CACNA1I: variants seen among roughly 807,000 people sequenced by gnomAD.
The protein encoded by CACNA1I is voltage-dependent T-type calcium channel subunit alpha-1I.
CACNA1I carries 74 observed loss-of-function variants against 201.6 expected under a neutral mutation model. The ratio of observed to expected loss-of-function variants is 0.37; its 90% CI spans 0.30 to 0.45. The LOEUF (loss-of-function observed/expected upper bound fraction) is 0.45, where lower values mean the gene tolerates loss of function less well. Among genes scored for constraint, CACNA1I ranks in the 20% least tolerant of loss-of-function variants. CACNA1I has a pLI of 1.00. For missense variants in CACNA1I, 2,346 were observed against 3,138.1 expected, an observed-to-expected ratio of 0.75 and a Z score of 6.03; for synonymous variants, 1,431 against 1,345.2, an observed-to-expected ratio of 1.06 and a Z score of -1.40.
At position 39,649,806 on chromosome 22, in the gene CACNA1I, G is replaced by A. The variant is rs1227331667; in HGVS notation, c.1873G>A (p.Val625Met). The change falls in exon 10 of 37, where the codon GTG becomes ATG. Residue 625 changes from valine (V) to methionine (M), a missense_variant. Around this residue, in one of 13 missense-constraint regions of CACNA1I, gnomAD observed 312 missense variants for 331.5 expected, o/e 0.94. Coordinates refer to ENST00000402142, the MANE Select transcript of CACNA1I (RefSeq NM_021096.4). The surrounding 1 kb of genome is among the most constrained non-coding windows in gnomAD (Gnocchi z 7.3). The part of the protein sequence containing the change: ...ADGAVWLCGD[V>M]WRETRAKLRG... ...TGGGGCGGTCTGGCTGTGCGGGGAT[G>A]TGTGGCGGGAGACGCGAGCCAAGCT... 2 of 1,611,508 alleles carry A rather than the reference G, an allele frequency of 1.2e-6. No individual in the cohort carries two copies. Among genetic ancestry groups the A allele is most frequent in the African/African-American group, 1.3e-5 (1 of 75,034 alleles).
chr22:39,578,583 GC>G (rs1046045910), intron 1 of CACNA1I, among the ~76,000 whole-genome samples: 166 of 151,984 alleles, frequency 1.1e-3, no homozygotes, highest in African/African-American at 3.9e-3. Flanking sequence ...TCTCCCCTGG[GC>G]TCCCCCTCTC....
At chr22:39,634,788 T>C in intron 5 of CACNA1I, 64 bp downstream of exon 5, 3 of 1,512,080 alleles carry the variant, frequency 2.0e-6, no homozygotes, top group Non-Finnish European at 9.0e-7. Flanking sequence ...GTTTTAACCT[T>C]CTGGGTCATT....
chr22:39,635,413 C>A (rs1447466950), intron 5 of CACNA1I, among the ~76,000 whole-genome samples: 2 of 152,164 alleles, frequency 1.3e-5, no homozygotes, highest in African/African-American at 4.8e-5. Context: ...CTAGTGAGTG[C>A]CTCTCAGTCT....
chr22:39,661,026 T>C lies in CACNA1I; in HGVS notation c.2699-82T>C, dbSNP rs948613709. The C allele has an allele frequency of 2.6e-5, 29 of 1,114,016 alleles. No homozygotes were observed. The African/African-American group carries it at 4.0e-4, about 15-fold the overall frequency. 69.0% of individuals were successfully genotyped at this position (1,114,016 alleles called of 1,614,324 possible). On this transcript the variant is annotated intron_variant, in intron 15 of 36. Transcript: ENST00000402142. ...CTCTCCATTTCTGCTCCTTCCTTGTTTGTCTGTCTCGTGGCTCCCTTGCTG... is the reference window on the plus strand; with the variant it reads ...CTCTCCATTTCTGCTCCTTCCTTGTCTGTCTGTCTCGTGGCTCCCTTGCTG...
At position 39,646,739 on chromosome 22, in the gene CACNA1I, G is replaced by A; in HGVS notation, c.1320G>A (p.Gln440=). ...GCGACTGCTACGAGGAGATCTTCCA[G>A]TATGTCTGCCACATCCTGCGCAAGG... ...EPGDCYEEIF[Q]YVCHILRKAK... Residue 440 remains glutamine (Q), a synonymous_variant, in exon 8 of 37, where the codon CAG becomes CAA. Coordinates refer to ENST00000402142, the MANE Select transcript of CACNA1I (RefSeq NM_021096.4). The A allele has an allele frequency of 4.4e-6, 7 of 1,598,154 alleles. No individual in the cohort carries two copies. The highest frequency in any genetic ancestry group is 6.0e-6 in the Non-Finnish European group (7 of 1,172,722).
At chr22:39,650,002 C>G in intron 10 of CACNA1I, 77 bp downstream of exon 10, 1 of 1,471,228 alleles carries the variant, frequency 6.8e-7, no homozygotes, top group South Asian at 1.1e-5. Flanking sequence ...CTGGGCAGCC[C>G]CATCCATCTG....
At position 39,687,640 on chromosome 22, in the gene CACNA1I, T is replaced by G. The variant is rs1009326510; in HGVS notation, c.*1235T>G. On this transcript the variant is annotated 3_prime_UTR_variant, in exon 37 of 37. Coordinates refer to ENST00000402142, the MANE Select transcript of CACNA1I (RefSeq NM_021096.4). ...GGAGGCCACATCTTCCCACCCCACC[T>G]GCCAGCCCCTGTCTCTCCTCCCCGC... 1 of 152,250 alleles carries G rather than the reference T, an allele frequency of 6.6e-6. No homozygotes were observed. The highest frequency in any genetic ancestry group is 1.5e-5 in the Non-Finnish European group (1 of 68,066). 9.4% of individuals were successfully genotyped at this position (152,250 alleles called of 1,614,324 possible).
intron 4 of CACNA1I, among the ~76,000 whole-genome samples, chr22:39,623,163 G>A (rs1340605005): frequency 1.3e-5 from 2 of 151,944 alleles, no homozygotes; most frequent in Non-Finnish European, 2.9e-5. Flanking sequence ...CTACATCTGT[G>A]TGAGGGTGTG....
At chr22:39,680,266 C>G (rs1348684539) in intron 33 of CACNA1I, among the ~76,000 whole-genome samples, 1 of 152,202 alleles carries the variant, frequency 6.6e-6, no homozygotes, top group Non-Finnish European at 1.5e-5. Flanking sequence ...GGTGCCCTGT[C>G]CTGGCCTCCA....
chr22:39,685,948 G>C lies in CACNA1I; in HGVS notation c.6215G>C (p.Arg2072Pro). 1 of 1,277,822 alleles carries C rather than the reference G, an allele frequency of 7.8e-7. No individual in the cohort carries two copies. The highest frequency in any genetic ancestry group is 9.8e-7 in the Non-Finnish European group (1 of 1,021,102). The allele number at this position is 1,277,822 out of a possible 1,614,324, so 79.2% of individuals were successfully genotyped here. A position where few individuals can be genotyped will look rare whatever the true frequency, so the allele number is the denominator to read the frequency against. Residue 2072 changes from arginine (R) to proline (P), a missense_variant, in exon 37 of 37, where the codon CGG becomes CCG. Transcript: ENST00000402142. The surrounding 1 kb of genome is among the most constrained non-coding windows in gnomAD (Gnocchi z 5.0). The stretch of plus-strand genomic sequence containing the variant: ...CGCCGCCGCCTGAGCCTGCGCGGCC[G>C]GGGCCTCTTCAGCCTGCGGGGGCTG... Reference protein sequence around the residue: ...AARRRLSLRGRGLFSLRGLRA... With the variant: ...AARRRLSLRGPGLFSLRGLRA...
chr22:39,623,916 A>T (rs1354756132), intron 4 of CACNA1I, among the ~76,000 whole-genome samples: 1 of 89,042 alleles, frequency 1.1e-5, no homozygotes, highest in Non-Finnish European at 2.2e-5. Context: ...GTGAGGGTGT[A>T]TGTGTGACGT....
intron 4 of CACNA1I, among the ~76,000 whole-genome samples, chr22:39,627,455 C>T (rs1242245794): frequency 6.6e-6 from 1 of 152,232 alleles, no homozygotes; most frequent in Non-Finnish European, 1.5e-5. Context: ...TGAAAGGGGG[C>T]CGGGCAGGAT....
intron 18 of CACNA1I, 74 bp downstream of exon 18, chr22:39,662,950 G>A: frequency 9.5e-7 from 1 of 1,048,462 alleles, no homozygotes; most frequent in Non-Finnish European, 1.4e-6. Flanking sequence ...GCCAAGCCAG[G>A]CAAGGCCATT....
chr22:39,646,308 C>CT (rs1953932786), intron 7 of CACNA1I, among the ~76,000 whole-genome samples: 1 of 152,042 alleles, frequency 6.6e-6, no homozygotes, highest in African/African-American at 2.4e-5. Context: ...GTCTTACTCT[C>CT]TTTGTCATCG....
chr22:39,686,075 G>A lies in CACNA1I; in HGVS notation c.6342G>A (p.Ala2114=), dbSNP rs1935860129. The change falls in exon 37 of 37, where the codon GCG becomes GCA. Residue 2114 remains alanine (A), a synonymous_variant. Transcript: ENST00000402142. Reference sequence around the variant, plus strand: ...CGGACGAGGAGGGCCGCGGTGGCGCGGGCGGCGGGGGCGCGGGCAGCGAGC... The same window carrying A: ...CGGACGAGGAGGGCCGCGGTGGCGCAGGCGGCGGGGGCGCGGGCAGCGAGC... ...DPSDEEGRGG[A]GGGGAGSEHS... is the part of the protein sequence containing the mutation. 1.6e-6 allele frequency: 2 copies of A among 1,236,374 alleles called. No homozygotes were observed. The highest frequency in any genetic ancestry group is 2.0e-6 in the Non-Finnish European group (2 of 993,134). The allele number at this position is 1,236,374 out of a possible 1,614,324, so 76.6% of individuals were successfully genotyped here.
chr22:39,661,059 G>A, intron 15 of CACNA1I, 49 bp from the exon 16 acceptor site: 1 of 1,459,844 alleles, frequency 6.9e-7, no homozygotes, highest in Non-Finnish European at 9.6e-7. Flanking sequence ...CTGTTGTTCT[G>A]TCCTGTCTGC....
rs563286559 is a variant in CACNA1I at position 39,684,562 on chromosome 22, C to T, written c.6027+64C>T. 27 of 1,537,804 alleles carry T rather than the reference C, an allele frequency of 1.8e-5. No homozygotes were observed. In the East Asian group the frequency reaches 6.4e-4, roughly 36 times the overall value. ...GGCAAGGGGCAGGATCTAAGCCAGGCCTGGAAGTCCAAGGGACTGGGAGGG... is the reference window on the plus strand; with the variant it reads ...GGCAAGGGGCAGGATCTAAGCCAGGTCTGGAAGTCCAAGGGACTGGGAGGG... On this transcript the variant is annotated intron_variant, in intron 36 of 36. Transcript: ENST00000402142. This position sits in a 1 kb window ranked among gnomAD's most constrained non-coding sequence, Gnocchi z 4.6.
rs903446964 is a variant in CACNA1I at position 39,687,608 on chromosome 22, G to T, written c.*1203G>T. ...CGCATCCCCATGCCCAGCCTTTCGCGTCACCTGGAGGCCACATCTTCCCAC... is the reference window on the plus strand; with the variant it reads ...CGCATCCCCATGCCCAGCCTTTCGCTTCACCTGGAGGCCACATCTTCCCAC... On this transcript the variant is annotated 3_prime_UTR_variant, in exon 37 of 37. Coordinates refer to ENST00000402142, the MANE Select transcript of CACNA1I (RefSeq NM_021096.4). The T allele has an allele frequency of 6.6e-6, 1 of 152,210 alleles. No homozygotes were observed. 9.4% of individuals were successfully genotyped at this position (152,210 alleles called of 1,614,324 possible).
chr22:39,600,722 C>A, intron 3 of CACNA1I, 69 bp downstream of exon 3: 1 of 1,481,906 alleles, frequency 6.7e-7, no homozygotes, highest in Non-Finnish European at 8.9e-7. Context: ...GAATCCAGGG[C>A]TTCTTGCTGA....
Sources: allele counts gnomAD v4.1 joint callset (sites outside exome capture counted in the v4.1 genomes callset), GRCh38; gene constraint gnomAD v4.1.1; regional missense constraint gnomAD v4.1.1; non-coding constraint Gnocchi (gnomAD v3.1); transcripts MANE v1.5; gene names NCBI Gene and HGNC (gene_info 2026-07-23, HGNC 2026-07-21).